LIMCH1: variants seen among roughly 807,000 people sequenced by gnomAD.
LIMCH1 encodes the protein LIM and calponin homology domains-containing protein 1.
Under a neutral mutation model 176.5 loss-of-function variants are expected in LIMCH1, and 113 were observed. The observed-to-expected ratio is 0.64, with a 90% confidence interval of 0.55 to 0.75. The LOEUF is 0.75. LIMCH1 is among the 30% of genes least tolerant of loss of function. LIMCH1 has a pLI of 0.00. For synonymous variants in LIMCH1, 619 were observed against 645.9 expected (o/e 0.96, Z 0.63); for missense variants, 1,674 against 1,814.9 (o/e 0.92, Z 1.41).
intron 1 of LIMCH1, among the ~76,000 whole-genome samples, chr4:41,582,273 G>T (rs187946614): frequency 1.1e-3 from 169 of 152,294 alleles, no homozygotes; most frequent in Admixed American, 3.8e-3. Context: ...TACCACCGTG[G>T]ATCAGGTGGT....
intron 1 of LIMCH1, among the ~76,000 whole-genome samples, chr4:41,457,328 C>T (rs2064736607): frequency 6.6e-6 from 1 of 151,834 alleles, no homozygotes; most frequent in Admixed American, 6.6e-5. Context: ...TAGAAAGAGA[C>T]CTTGAGGAGA....
chr4:41,400,943 A>T (rs1480580357), intron 1 of LIMCH1, among the ~76,000 whole-genome samples: 2 of 152,174 alleles, frequency 1.3e-5, no homozygotes, highest in Non-Finnish European at 2.9e-5. Flanking sequence ...CCTTTGTCAG[A>T]TGAGTAGGTT....
chr4:41,479,897 C>T (rs1175788989), intron 1 of LIMCH1, among the ~76,000 whole-genome samples: 1 of 152,190 alleles, frequency 6.6e-6, no homozygotes, highest in African/African-American at 2.4e-5. Flanking sequence ...GTGCTCAGCA[C>T]TTACCAACCC....
chr4:41,557,434 A>AT (rs1301546607), intron 1 of LIMCH1, among the ~76,000 whole-genome samples: 4 of 152,138 alleles, frequency 2.6e-5, no homozygotes, highest in Non-Finnish European at 5.9e-5. Flanking sequence ...GGAAGAGATG[A>AT]TTTTTAAAAA....
At position 41,384,816 on chromosome 4, in the gene LIMCH1, C is replaced by A. The variant is rs541461276; in HGVS notation, c.96+23880C>A. On this transcript the variant is annotated intron_variant, in intron 1 of 26. Transcript: ENST00000313860. The stretch of plus-strand genomic sequence containing the variant: ...TCTTCAAAGTCCACTCCAAATACTA[C>A]CAAGTATTACTTGGTGTTGATCAGA... Among the ~76,000 whole-genome samples the A allele has an allele frequency of 3.3e-5, 5 of 152,212 alleles. No homozygotes were observed. The East Asian group carries it at 9.7e-4, about 29-fold the overall frequency.
rs71198657 is a variant in LIMCH1 at position 41,444,313 on chromosome 4, TACACACACACAC to T, written c.97-50193_97-50182del. Among the ~76,000 whole-genome samples the T allele has an allele frequency of 3.0e-3, 401 of 134,208 alleles. 1 individual carries two copies. Among genetic ancestry groups the T allele is most frequent in the African/African-American group, 8.2e-3 (253 of 30,988 alleles). 88.0% of individuals were successfully genotyped at this position (134,208 alleles called of 152,430 possible). ...GTGTGTGAGTGTGTGTGTATATATA[TACACACACACAC>T]ACACACACACACACACACACACACA... On this transcript the variant is annotated intron_variant, in intron 1 of 26. Transcript: ENST00000313860.
chr4:41,470,944 G>A (rs982003374), intron 1 of LIMCH1, among the ~76,000 whole-genome samples: 5 of 151,834 alleles, frequency 3.3e-5, no homozygotes, highest in Admixed American at 6.6e-5. Context: ...AACTACAAAG[G>A]TTAGGGAAGT....
intron 28 of LIMCH1, among the ~76,000 whole-genome samples, chr4:41,687,149 T>C (rs1045120361): frequency 6.6e-6 from 1 of 152,186 alleles, no homozygotes; most frequent in Non-Finnish European, 1.5e-5. Flanking sequence ...TTCTTTTCTG[T>C]GTTCTACCCC....
intron 1 of LIMCH1, among the ~76,000 whole-genome samples, chr4:41,431,702 C>T (rs1227404801): frequency 6.6e-6 from 1 of 152,180 alleles, no homozygotes; most frequent in African/African-American, 2.4e-5. Context: ...TTCTTCTCTA[C>T]TCACATTTTC....
intron 1 of LIMCH1, among the ~76,000 whole-genome samples, chr4:41,364,616 TGG>T (rs2052688542): frequency 6.6e-6 from 1 of 152,226 alleles, no homozygotes; most frequent in African/African-American, 2.4e-5. Context: ...AAAGTGATCT[TGG>T]TAGTCCATCA....
chr4:41,419,670 T>TCCTTCC lies in LIMCH1; in HGVS notation c.96+58734_96+58735insCCTTCC, dbSNP rs1561311962. Among the ~76,000 whole-genome samples the TCCTTCC allele has an allele frequency of 4.3e-5, 3 of 70,238 alleles. No individual in the cohort carries two copies. In the East Asian group the frequency reaches 1.0e-3, roughly 24 times the overall value. 46.1% of individuals were successfully genotyped at this position (70,238 alleles called of 152,430 possible). A position where few individuals can be genotyped will look rare whatever the true frequency, so the allele number is the denominator to read the frequency against. The stretch of plus-strand genomic sequence containing the variant: ...TCTTCCTCCTTCCTTCCTTCCTTCC[T>TCCTTCC]TCCTTCCTTCCTCCTTCCTTCCTTC... On this transcript the variant is annotated intron_variant, in intron 1 of 26. Coordinates refer to the LIMCH1 transcript ENST00000313860.
intron 5 of LIMCH1, among the ~76,000 whole-genome samples, chr4:41,617,030 A>C (rs1289073114): frequency 6.6e-6 from 1 of 152,064 alleles, no homozygotes; most frequent in Non-Finnish European, 1.5e-5. Flanking sequence ...TTGTTAGACA[A>C]CATATTTGGA....
chr4:41,599,632 A>G (rs61608987), intron 2 of LIMCH1, among the ~76,000 whole-genome samples: 14,592 of 152,262 alleles, frequency 0.096, 1,960 homozygotes, highest in African/African-American at 0.31. Flanking sequence ...TGACCAGGGT[A>G]TGAGATGGCA....
chr4:41,453,564 GC>G (rs1276308587), intron 1 of LIMCH1: 1 of 152,540 alleles, frequency 6.6e-6, no homozygotes, highest in East Asian at 1.9e-4. Flanking sequence ...TTCACTTTCA[GC>G]AGGCTGAGGA....
At chr4:41,456,622 T>C (rs1299448146) in intron 1 of LIMCH1, among the ~76,000 whole-genome samples, 1 of 151,926 alleles carries the variant, frequency 6.6e-6, no homozygotes, top group African/African-American at 2.4e-5. Context: ...GCTCTAGTTA[T>C]TAGGTTGGTG....
Position 41,632,962 on chromosome 4 carries a change from C to A in LIMCH1, c.1721-15C>A. ...AATTCTTTCCTAGGAGTGAAACTGT[C>A]CTCTCTGGCTTTAGTTACATCCAAA... On this transcript the variant is annotated splice_polypyrimidine_tract_variant and intron_variant, in intron 11 of 31. Coordinates refer to ENST00000503057, the MANE Select transcript of LIMCH1 (RefSeq NM_001330672.2). 1 of 1,533,830 alleles carries A rather than the reference C, an allele frequency of 6.5e-7. No individual in the cohort carries two copies. The highest frequency in any genetic ancestry group is 8.7e-7 in the Non-Finnish European group (1 of 1,144,930).
intron 1 of LIMCH1, among the ~76,000 whole-genome samples, chr4:41,557,123 G>T (rs2081375489): frequency 6.6e-6 from 1 of 152,110 alleles, no homozygotes; most frequent in Admixed American, 6.5e-5. Flanking sequence ...CATAATAAAT[G>T]CAGACCTTCC....
At chr4:41,454,059 C>T (rs546765434) in intron 1 of LIMCH1, among the ~76,000 whole-genome samples, 23 of 152,226 alleles carry the variant, frequency 1.5e-4, no homozygotes, top group African/African-American at 5.1e-4. Flanking sequence ...GTCCTCCCCT[C>T]CTACTTCATG....
At chr4:41,465,954 CTT>C (rs34784602) in intron 1 of LIMCH1, among the ~76,000 whole-genome samples, 219 of 108,250 alleles carry the variant, frequency 2.0e-3, no homozygotes, top group Middle Eastern at 5.7e-3. Context: ...CTGTTTGGCT[CTT>C]TTTTTTTTTT....
Sources: gnomAD v4.1 joint callset for allele counts (sites outside exome capture counted in the v4.1 genomes callset) on GRCh38, gnomAD v4.1.1 for gene constraint, MANE v1.5 for transcripts, NCBI Gene and HGNC (gene_info 2026-07-23, HGNC 2026-07-21) for gene names.